Variants in MARS1 observed in about 807,000 individuals in gnomAD.
MARS1 encodes methionyl-tRNA synthetase 1.
Under a neutral mutation model 119.5 loss-of-function variants are expected in MARS1, and 80 were observed. The observed-to-expected ratio is 0.67, with a 90% CI of 0.56 to 0.81. The LOEUF (loss-of-function observed/expected upper bound fraction) is 0.81, where lower values mean the gene tolerates loss of function less well. Ranked by LOEUF, MARS1 falls within the 30% of genes least tolerant of loss-of-function variation. The pLI, the probability that MARS1 is intolerant of heterozygous loss-of-function variation, is 0.00. For synonymous variants in MARS1, 418 were observed against 433.4 expected, an observed-to-expected ratio of 0.96 and a Z score of 0.44; for missense variants, 945 against 1,116.5, an observed-to-expected ratio of 0.85 and a Z score of 2.19.
chr12:57,493,847 AAT>A lies in MARS1; in HGVS notation c.770+3212_770+3213del, dbSNP rs1357594798. On this transcript the variant is annotated intron_variant, in intron 7 of 20. Transcript: ENST00000262027. ...TATTATATTATATATTATAATATAT[AAT>A]ATATATATTTATATTATATAATATA... 8.3e-3 allele frequency among the ~76,000 whole-genome samples: 41 copies of A among 4,968 alleles called. 6 individuals carry two copies. Among genetic ancestry groups the A allele is most frequent in the South Asian group, 0.1 (1 of 10 alleles). The allele number at this position is 4,968 out of a possible 152,430, so 3.3% of individuals were successfully genotyped here. A position where few individuals can be genotyped will look rare whatever the true frequency, so the allele number is the denominator to read the frequency against.
chr12:57,505,169 T>C (rs1877124650), intron 11 of MARS1, among the ~76,000 whole-genome samples: 1 of 151,666 alleles, frequency 6.6e-6, no homozygotes, highest in Non-Finnish European at 1.5e-5. Flanking sequence ...GATTTGTTTT[T>C]TTTTTTTTTG....
intron 7 of MARS1, among the ~76,000 whole-genome samples, chr12:57,495,324 G>C (rs1034178614): frequency 1.3e-5 from 2 of 151,838 alleles, no homozygotes; most frequent in African/African-American, 4.8e-5. Context: ...TCCCGGATGG[G>C]GTGGCGGTCG....
At chr12:57,493,324 T>TATAATATATATTATATAA (rs1257207120) in intron 7 of MARS1, among the ~76,000 whole-genome samples, 1 of 98,480 alleles carries the variant, frequency 1.0e-5, no homozygotes, top group African/African-American at 4.8e-5. Flanking sequence ...ATATAATATA[T>TATAATATATATTATATAA]TATATATAAT....
chr12:57,515,544 A>G lies in MARS1; in HGVS notation c.2391+208A>G, dbSNP rs530478434. 3.7e-4 allele frequency: 223 copies of G among 596,184 alleles called. 1 individual carries two copies. The South Asian group carries it at 4.6e-3, about 12-fold the overall frequency. 36.9% of individuals were successfully genotyped at this position (596,184 alleles called of 1,614,324 possible). On this transcript the variant is annotated intron_variant, in intron 18 of 20. Coordinates refer to ENST00000262027, the MANE Select transcript of MARS1 (RefSeq NM_004990.4). ...CATGCCAGAAACCAGAACCTGGCAC[A>G]CAAAACTAACTGGTAAACAGATATT...
At position 57,516,604 on chromosome 12, in the gene MARS1, C is replaced by A; in HGVS notation, c.*23C>A. On this transcript the variant is annotated 3_prime_UTR_variant, in exon 21 of 21. Transcript: ENST00000262027. Reference sequence around the variant, plus strand: ...TAAAAGACCTTGGCTCATAGAAAGTCACTTTAATAGATAGGGACAGTAATA... The same window carrying A: ...TAAAAGACCTTGGCTCATAGAAAGTAACTTTAATAGATAGGGACAGTAATA... 1 of 1,555,738 alleles carries A rather than the reference C, an allele frequency of 6.4e-7. No individual in the cohort carries two copies. The highest frequency in any genetic ancestry group is 1.2e-5 in the South Asian group (1 of 81,088).
chr12:57,492,125 A>G (rs1875996732), intron 7 of MARS1, among the ~76,000 whole-genome samples: 1 of 150,810 alleles, frequency 6.6e-6, no homozygotes, highest in Non-Finnish European at 1.5e-5. Context: ...CTAAAAATAC[A>G]AAAATTAGCC....
intron 10 of MARS1, among the ~76,000 whole-genome samples, chr12:57,503,131 C>T (rs1877009558): frequency 6.6e-6 from 1 of 152,162 alleles, no homozygotes; most frequent in African/African-American, 2.4e-5. Flanking sequence ...CATTCATTAG[C>T]TCCACCTAAC....
intron 11 of MARS1, among the ~76,000 whole-genome samples, chr12:57,508,736 A>G (rs1192244446): frequency 1.1e-4 from 3 of 27,994 alleles, no homozygotes; most frequent in African/African-American, 2.8e-4. Flanking sequence ...GCATTTTTGT[A>G]TTTCTAATAG....
chr12:57,497,236 T>C (rs1022424403), intron 7 of MARS1, among the ~76,000 whole-genome samples: 2 of 152,148 alleles, frequency 1.3e-5, no homozygotes, highest in South Asian at 2.1e-4. Context: ...TATTCAGTTA[T>C]GGAGAGAAAG....
intron 7 of MARS1, 136 bp downstream of exon 7, chr12:57,490,780 C>CTTTTTTTTTTTTTTTTT (rs35674919): frequency 2.1e-5 from 5 of 238,798 alleles, no homozygotes; most frequent in Admixed American, 6.8e-5. Context: ...TCTTACATCT[C>CTTTTTTTTTTTTTTTTT]TTTTTTTTTT....
chr12:57,500,607 AT>A, intron 10 of MARS1, 85 bp downstream of exon 10: 1 of 1,333,484 alleles, frequency 7.5e-7, no homozygotes, highest in Non-Finnish European at 1.0e-6. Context: ...TAGGATTTTT[AT>A]TTTAGCATTC....
Position 57,490,589 on chromosome 12 carries a change from G to A in MARS1, c.715G>A (p.Ala239Thr). Residue 239 changes from alanine to threonine, a missense_variant, in exon 7 of 21, where the codon GCT becomes ACT. Physicochemically the swap from Ala to Thr is moderately conservative, Grantham distance 58. Transcript: ENST00000262027. ...GGAGGAGATTGCTATGGCTGTTACT[G>A]CTTGGGAGAAGGGCCTAGAAAGTTT... ...SEEEIAMAVT[A>T]WEKGLESLPP... 5.0e-6 allele frequency: 8 copies of A among 1,614,120 alleles called. No homozygotes were observed. The highest frequency in any genetic ancestry group is 6.8e-6 in the Non-Finnish European group (8 of 1,180,032).
At chr12:57,506,901 G>C (rs1194013187) in intron 11 of MARS1, among the ~76,000 whole-genome samples, 1 of 150,448 alleles carries the variant, frequency 6.6e-6, no homozygotes, top group Non-Finnish European at 1.5e-5. Flanking sequence ...TCTCGCAGAG[G>C]GGGATTTGGC....
intron 11 of MARS1, among the ~76,000 whole-genome samples, chr12:57,504,736 T>A (rs1877100952): frequency 7.5e-6 from 1 of 132,506 alleles, no homozygotes; most frequent in African/African-American, 2.8e-5. Context: ...AGAGTTTCGC[T>A]CTTGTCGCCC....
chr12:57,494,494 A>ATTTTTTTTTT (rs59160934), intron 7 of MARS1, among the ~76,000 whole-genome samples: 3 of 95,486 alleles, frequency 3.1e-5, no homozygotes, highest in Non-Finnish European at 6.3e-5. Flanking sequence ...CGCCTGGCTA[A>ATTTTTTTTTT]TTTTTTTTTT....
chr12:57,500,681 A>C (rs1215597490), intron 10 of MARS1, among the ~76,000 whole-genome samples, 159 bp downstream of exon 10: 2 of 152,306 alleles, frequency 1.3e-5, no homozygotes, highest in Non-Finnish European at 2.9e-5. Flanking sequence ...GTTCATTTGA[A>C]AAATACTCCC....
intron 11 of MARS1, 78 bp downstream of exon 11, chr12:57,504,377 C>G (rs1414897093): frequency 2.7e-6 from 3 of 1,098,540 alleles, no homozygotes; most frequent in Non-Finnish European, 4.2e-6. Context: ...ATACTGAGAG[C>G]AGATTACTCT....
In MARS1 at chr12:57,493,546, T is replaced by TAC. The variant is rs1876221255; in HGVS notation, c.770+2903_770+2904insCA. On this transcript the variant is annotated intron_variant, in intron 7 of 20. Transcript: ENST00000262027. ...ATATATTATAATATATAATATATTA[T>TAC]AATATATAATATATAATATATTATA... Among the ~76,000 whole-genome samples the TAC allele has an allele frequency of 8.7e-4, 4 of 4,604 alleles. 1 individual carries two copies. The highest frequency in any genetic ancestry group is 8.6e-3 in the South Asian group (1 of 116). The allele number at this position is 4,604 out of a possible 152,430, so 3.0% of individuals were successfully genotyped here.
At position 57,516,563 on chromosome 12, in the gene MARS1, A is replaced by T. The variant is rs1181373475; in HGVS notation, c.2685A>T (p.Lys895Asn). The T allele has an allele frequency of 5.1e-6, 8 of 1,579,328 alleles. No individual in the cohort carries two copies. The highest frequency in any genetic ancestry group is 1.4e-5 in the African/African-American group (1 of 72,598). ...VAEGKPPEAPKGKKKK is the reference protein window; with the variant it reads ...VAEGKPPEAPNGKKKK ...AGGGGAAACCCCCTGAAGCCCCTAAAGGCAAGAAGAAAAAGTAAAAGACCT... is the reference window on the plus strand; with the variant it reads ...AGGGGAAACCCCCTGAAGCCCCTAATGGCAAGAAGAAAAAGTAAAAGACCT... Residue 895 changes from lysine (K) to asparagine (N), a missense_variant, in exon 21 of 21, where the codon AAA becomes AAT. Coordinates refer to ENST00000262027, the MANE Select transcript of MARS1 (RefSeq NM_004990.4).
Sources: gnomAD v4.1 joint callset for allele counts (sites outside exome capture counted in the v4.1 genomes callset) on GRCh38, gnomAD v4.1.1 for gene constraint, MANE v1.5 for transcripts, NCBI Gene and HGNC (gene_info 2026-07-23, HGNC 2026-07-21) for gene names.